WSCD2: variants seen among roughly 807,000 people sequenced by gnomAD.
WSCD2 encodes WSC domain sialate O sulfotransferase 2.
Under a neutral mutation model 55.7 loss-of-function variants are expected in WSCD2, and 28 were observed. The observed-to-expected ratio is 0.50, with a 90% CI of 0.37 to 0.69. The LOEUF (loss-of-function observed/expected upper bound fraction) is 0.69. Ranked by LOEUF, WSCD2 falls within the 30% of genes least tolerant of loss-of-function variation. The pLI is 0.00. For missense variants in WSCD2, 616 were observed against 762.1 expected (o/e 0.81, Z 2.26); for synonymous variants, 301 against 301.9 (o/e 1.00, Z 0.03).
rs34618400 is a variant in WSCD2 at position 108,219,846 on chromosome 12, G to C, written c.683-4893G>C. 1.9e-3 allele frequency among the ~76,000 whole-genome samples: 292 copies of C among 152,324 alleles called. 1 individual carries two copies. The East Asian group carries it at 0.026, about 14-fold the overall frequency. ...CCTCCAAGCTCTAGGATTTCATGATGGTCCCTCAAATAAGATCCTGGTGGC... is the reference window on the plus strand; with the variant it reads ...CCTCCAAGCTCTAGGATTTCATGATCGTCCCTCAAATAAGATCCTGGTGGC... On this transcript the variant is annotated intron_variant, in intron 4 of 8. Transcript: ENST00000547525.
chr12:108,245,767 C>G lies in WSCD2; in HGVS notation c.1346-2224C>G, dbSNP rs552544377. On this transcript the variant is annotated intron_variant, in intron 8 of 8. Transcript: ENST00000547525. ...GAGCATACAACATGCTCAATTTTTC[C>G]TAATTACTCAGATACATCTGGTCTT... Among the ~76,000 whole-genome samples the G allele has an allele frequency of 2.0e-5, 3 of 152,322 alleles. No homozygotes were observed. In the South Asian group the frequency reaches 6.2e-4, roughly 32 times the overall value.
intron 1 of WSCD2, among the ~76,000 whole-genome samples, chr12:108,162,484 C>T (rs1490403675): frequency 2.6e-5 from 4 of 152,212 alleles, no homozygotes; most frequent in Non-Finnish European, 5.9e-5. Context: ...TATCAATGTG[C>T]CCCACACATG....
chr12:108,195,685 G>A lies in WSCD2; in HGVS notation c.-148G>A, dbSNP rs1045784270. The A allele has an allele frequency of 5.2e-6, 6 of 1,148,718 alleles. No homozygotes were observed. In the Admixed American group the frequency reaches 1.7e-4, roughly 33 times the overall value. 71.2% of individuals were successfully genotyped at this position (1,148,718 alleles called of 1,614,324 possible). On this transcript the variant is annotated 5_prime_UTR_variant, in exon 2 of 9. Transcript: ENST00000547525. ...AGCATTGAACTTGCCCTCCCCTTCTGGCCTTGGTGATCACTTTTTCAGGAA... is the reference window on the plus strand; with the variant it reads ...AGCATTGAACTTGCCCTCCCCTTCTAGCCTTGGTGATCACTTTTTCAGGAA...
chr12:108,246,451 C>G (rs1042688174), intron 8 of WSCD2, among the ~76,000 whole-genome samples: 1 of 152,194 alleles, frequency 6.6e-6, no homozygotes, highest in Non-Finnish European at 1.5e-5. Context: ...CTCCTGCCCT[C>G]TGATTCTCCA....
At chr12:108,205,873 C>G (rs1885296202) in intron 2 of WSCD2, among the ~76,000 whole-genome samples, 1 of 152,180 alleles carries the variant, frequency 6.6e-6, no homozygotes, top group Non-Finnish European at 1.5e-5. Context: ...TAGCTAAGTC[C>G]AGGGCACTTT....
Position 108,240,455 on chromosome 12 carries a change from G to A in WSCD2, c.1256G>A (p.Arg419His), listed in dbSNP as rs868513635. 1.2e-6 allele frequency: 2 copies of A among 1,614,020 alleles called. No homozygotes were observed. The highest frequency in any genetic ancestry group is 8.5e-7 in the Non-Finnish European group (1 of 1,180,034). Residue 419 changes from arginine to histidine, a missense_variant, in exon 8 of 9, where the codon CGC becomes CAC. Arg to His is a conservative substitution (Grantham distance 29). Around this residue, in one of 3 missense-constraint regions of WSCD2, gnomAD observed 234 missense variants for 264.6 expected, o/e 0.88. Transcript: ENST00000547525. ...EAFDAAILLI[R>H]NPYKALMAEF... ...TTCGACGCCGCCATCCTGCTCATCCGCAACCCCTACAAAGCCCTCATGGCT... is the reference window on the plus strand; with the variant it reads ...TTCGACGCCGCCATCCTGCTCATCCACAACCCCTACAAAGCCCTCATGGCT...
intron 1 of WSCD2, among the ~76,000 whole-genome samples, chr12:108,147,300 C>A (rs532087071): frequency 1.3e-5 from 2 of 151,848 alleles, no homozygotes; most frequent in Non-Finnish European, 2.9e-5. Context: ...CAGGGTCAGG[C>A]GGGGGTAGAG....
intron 1 of WSCD2, among the ~76,000 whole-genome samples, chr12:108,181,588 A>G (rs1338816231): frequency 6.6e-6 from 1 of 152,198 alleles, no homozygotes; most frequent in East Asian, 1.9e-4. Flanking sequence ...CAGAGAGGTG[A>G]CATGCGATTG....
At chr12:108,167,027 G>C (rs1359880847) in intron 1 of WSCD2, among the ~76,000 whole-genome samples, 3 of 151,808 alleles carry the variant, frequency 2.0e-5, no homozygotes, top group Non-Finnish European at 4.4e-5. Context: ...GGCTAGGCTT[G>C]TCTCGAACTC....
intron 1 of WSCD2, among the ~76,000 whole-genome samples, chr12:108,164,664 G>A (rs1879434857): frequency 6.6e-6 from 1 of 152,072 alleles, no homozygotes; most frequent in African/African-American, 2.4e-5. Flanking sequence ...CAGGGTCCTA[G>A]GTATGTGAAT....
intron 1 of WSCD2, among the ~76,000 whole-genome samples, chr12:108,172,133 A>C (rs1880311087): frequency 6.6e-6 from 1 of 152,192 alleles, no homozygotes; most frequent in African/African-American, 2.4e-5. Flanking sequence ...ATGGGAGAGA[A>C]AGGAGTACCG....
At chr12:108,199,098 C>T (rs545741673) in intron 2 of WSCD2, among the ~76,000 whole-genome samples, 1 of 152,338 alleles carries the variant, frequency 6.6e-6, no homozygotes, top group South Asian at 2.1e-4. Context: ...TCTCAGCAGA[C>T]AGCCTTTGGA....
chr12:108,191,356 G>C (rs1450777400), intron 1 of WSCD2, among the ~76,000 whole-genome samples: 3 of 152,216 alleles, frequency 2.0e-5, no homozygotes, highest in Admixed American at 2.0e-4. Flanking sequence ...TGACAGACTA[G>C]AGAGAGACTT....
intron 1 of WSCD2, among the ~76,000 whole-genome samples, chr12:108,178,042 G>T (rs1186727170): frequency 6.6e-6 from 1 of 152,102 alleles, no homozygotes; most frequent in Non-Finnish European, 1.5e-5. Flanking sequence ...GTATCAGTTT[G>T]CTAGGGTTGC....
At chr12:108,178,049 T>G (rs958306628) in intron 1 of WSCD2, among the ~76,000 whole-genome samples, 3 of 151,872 alleles carry the variant, frequency 2.0e-5, no homozygotes, top group Non-Finnish European at 4.4e-5. Context: ...TTTGCTAGGG[T>G]TGCTGTAACA....
At chr12:108,213,839 C>A (rs10735426) in intron 4 of WSCD2, among the ~76,000 whole-genome samples, 69,724 of 152,020 alleles carry the variant, frequency 0.46, 16,898 homozygotes, top group East Asian at 0.59. Flanking sequence ...GACACCCTGA[C>A]CCTGGAATTT....
At position 108,185,486 on chromosome 12, in the gene WSCD2, C is replaced by T. The variant is rs573319130; in HGVS notation, c.-551-9796C>T. 5.9e-5 allele frequency among the ~76,000 whole-genome samples: 9 copies of T among 152,248 alleles called. No individual in the cohort carries two copies. In the South Asian group the frequency reaches 1.7e-3, roughly 28 times the overall value. ...AGCTCAAATGCCTTCTGAGAGGGGC[C>T]TTTGGGAACCACCCTACCACACACA... On this transcript the variant is annotated intron_variant, in intron 1 of 8. Coordinates refer to ENST00000547525, the MANE Select transcript of WSCD2 (RefSeq NM_014653.4).
At chr12:108,163,323 T>G (rs1306733261) in intron 1 of WSCD2, among the ~76,000 whole-genome samples, 1 of 151,950 alleles carries the variant, frequency 6.6e-6, no homozygotes, top group African/African-American at 2.4e-5. Flanking sequence ...GAGCAGAGAT[T>G]GCACCACTGC....
intron 1 of WSCD2, among the ~76,000 whole-genome samples, chr12:108,142,508 G>A (rs1046902439): frequency 4.6e-5 from 7 of 152,196 alleles, no homozygotes; most frequent in African/African-American, 1.4e-4. Context: ...GTTCACAGTT[G>A]TGTGGCCTTG....
Sources: allele counts gnomAD v4.1 joint callset (sites outside exome capture counted in the v4.1 genomes callset), GRCh38; gene constraint gnomAD v4.1.1; regional missense constraint gnomAD v4.1.1; transcripts MANE v1.5; gene names NCBI Gene and HGNC (gene_info 2026-07-23, HGNC 2026-07-21).